TBC1D4: variants seen among roughly 807,000 people sequenced by gnomAD.
TBC1D4 encodes the protein TBC (Tre-2, BUB2, CDC16) domain-containing protein.
Under a neutral mutation model 142.5 loss-of-function variants are expected in TBC1D4, and 121 were observed. That is an observed-to-expected ratio of 0.85 (90% CI 0.73 to 0.99). TBC1D4 has a LOEUF of 0.99. TBC1D4 is among the 50% of genes least tolerant of loss of function. The probability of loss-of-function intolerance (pLI) is 0.00; values close to 1 mark genes in which losing one functional copy is unlikely to be tolerated. For synonymous variants in TBC1D4, 630 were observed against 628.2 expected (o/e 1.00, Z -0.04); for missense variants, 1,475 against 1,606.6 (o/e 0.92, Z 1.40).
At chr13:75,456,823 C>T (rs1593906613) in intron 1 of TBC1D4, among the ~76,000 whole-genome samples, 1 of 151,006 alleles carries the variant, frequency 6.6e-6, no homozygotes, top group Middle Eastern at 3.4e-3. Context: ...AGCCTACGTC[C>T]ACCAAAAGAC....
chr13:75,289,856 A>G (rs1593858329), intron 19 of TBC1D4, among the ~76,000 whole-genome samples: 1 of 152,226 alleles, frequency 6.6e-6, no homozygotes, highest in African/African-American at 2.4e-5. Context: ...AACAGCTGCT[A>G]TTCAAGCAAT....
At chr13:75,417,554 G>A (rs924654643) in intron 1 of TBC1D4, among the ~76,000 whole-genome samples, 3 of 152,106 alleles carry the variant, frequency 2.0e-5, no homozygotes, top group Non-Finnish European at 4.4e-5. Context: ...TTAGCATAGG[G>A]GATCAGGATA....
intron 1 of TBC1D4, among the ~76,000 whole-genome samples, chr13:75,365,006 T>C (rs1882817321): frequency 6.6e-6 from 1 of 152,228 alleles, no homozygotes; most frequent in African/African-American, 2.4e-5. Context: ...CTTTTGAATT[T>C]CTCTACCGCC....
chr13:75,343,217 C>T (rs1258161615), intron 5 of TBC1D4, among the ~76,000 whole-genome samples: 4 of 152,334 alleles, frequency 2.6e-5, no homozygotes, highest in Non-Finnish European at 5.9e-5. Context: ...AAGATCTCTA[C>T]AGATAGTATA....
chr13:75,475,063 A>T (rs557870201), intron 1 of TBC1D4, among the ~76,000 whole-genome samples: 75 of 152,356 alleles, frequency 4.9e-4, no homozygotes, highest in African/African-American at 1.6e-3. Flanking sequence ...GAGTAGTGCT[A>T]TCACCCAGGA....
At chr13:75,451,003 A>G (rs1345402866) in intron 1 of TBC1D4, among the ~76,000 whole-genome samples, 1 of 152,188 alleles carries the variant, frequency 6.6e-6, no homozygotes, top group Non-Finnish European at 1.5e-5. Context: ...AGGCCAGCCA[A>G]ATTCTTTTCA....
At position 75,290,795 on chromosome 13, in the gene TBC1D4, C is replaced by T. The variant is rs181614410; in HGVS notation, c.3486+1307G>A. On this transcript the variant is annotated intron_variant, in intron 19 of 20. Transcript: ENST00000377636. ...TAATACAAAACTATAATAGAATCTA[C>T]TTTTGTTATTCCCATTTTGTAGAGG... Among the ~76,000 whole-genome samples, 8 of 152,182 alleles carry T rather than the reference C, an allele frequency of 5.3e-5. No homozygotes were observed. The East Asian group carries it at 1.5e-3, about 29-fold the overall frequency.
chr13:75,293,536 GA>G (rs1308825147), intron 18 of TBC1D4, among the ~76,000 whole-genome samples: 4 of 152,072 alleles, frequency 2.6e-5, no homozygotes, highest in African/African-American at 9.7e-5. Flanking sequence ...TCTCTGGGAA[GA>G]AAAATGTATA....
At chr13:75,289,323 AAAG>A (rs1431590273) in intron 19 of TBC1D4, among the ~76,000 whole-genome samples, 3 of 152,302 alleles carry the variant, frequency 2.0e-5, no homozygotes, top group Non-Finnish European at 2.9e-5. Context: ...TCTTTCTGTG[AAAG>A]AAGATTTTCT....
At chr13:75,407,924 G>A (rs1885419809) in intron 1 of TBC1D4, among the ~76,000 whole-genome samples, 1 of 151,976 alleles carries the variant, frequency 6.6e-6, no homozygotes. Flanking sequence ...GAACGAGCCG[G>A]GAAATCTCAG....
chr13:75,306,560 A>G (rs1877208656), intron 14 of TBC1D4, 89 bp from the exon 15 acceptor site: 1 of 1,512,984 alleles, frequency 6.6e-7, no homozygotes, highest in Non-Finnish European at 9.1e-7. Flanking sequence ...ACCATACCAA[A>G]TGACTTTCAG....
intron 17 of TBC1D4, among the ~76,000 whole-genome samples, chr13:75,296,241 T>C (rs1004263007): frequency 6.6e-6 from 1 of 151,778 alleles, no homozygotes; most frequent in African/African-American, 2.4e-5. Flanking sequence ...CAAAAAATCA[T>C]GTTGAAAAAA....
At chr13:75,386,597 C>G (rs9530430) in intron 1 of TBC1D4, among the ~76,000 whole-genome samples, 1 of 151,956 alleles carries the variant, frequency 6.6e-6, no homozygotes, top group Admixed American at 6.5e-5. Flanking sequence ...ACCACATTAG[C>G]CAGGATGGTC....
chr13:75,324,537 TG>T, intron 10 of TBC1D4, 136 bp from the exon 11 acceptor site: 1 of 1,029,668 alleles, frequency 9.7e-7, no homozygotes, highest in Non-Finnish European at 1.4e-6. Flanking sequence ...GGATCTTACA[TG>T]AAAAAAAAAG....
At chr13:75,353,364 A>G (rs144879331) in intron 4 of TBC1D4, among the ~76,000 whole-genome samples, 24 of 152,348 alleles carry the variant, frequency 1.6e-4, no homozygotes, top group African/African-American at 5.1e-4. Flanking sequence ...AGCACCTAGA[A>G]AATGATTGCC....
At chr13:75,465,929 A>G (rs911235963) in intron 1 of TBC1D4, among the ~76,000 whole-genome samples, 1 of 151,988 alleles carries the variant, frequency 6.6e-6, no homozygotes, top group African/African-American at 2.4e-5. Context: ...CTTTTAATCT[A>G]CCTGTGACCT....
intron 1 of TBC1D4, among the ~76,000 whole-genome samples, chr13:75,465,078 T>C (rs1888114318): frequency 6.6e-6 from 1 of 152,172 alleles, no homozygotes; most frequent in African/African-American, 2.4e-5. Flanking sequence ...GCAACAGCCT[T>C]ATGAAATCTG....
At chr13:75,454,215 A>G (rs1197200477) in intron 1 of TBC1D4, among the ~76,000 whole-genome samples, 1 of 151,900 alleles carries the variant, frequency 6.6e-6, no homozygotes, top group Non-Finnish European at 1.5e-5. Flanking sequence ...ACACAGCAAG[A>G]CCTCATGTCT....
At chr13:75,297,582 C>T (rs914722874) in intron 17 of TBC1D4, among the ~76,000 whole-genome samples, 1 of 151,956 alleles carries the variant, frequency 6.6e-6, no homozygotes. Context: ...CAGTGAAACC[C>T]CAACTCTACT....
Sources: gnomAD v4.1 joint callset for allele counts (sites outside exome capture counted in the v4.1 genomes callset) on GRCh38, gnomAD v4.1.1 for gene constraint, MANE v1.5 for transcripts, NCBI Gene and HGNC (gene_info 2026-07-23, HGNC 2026-07-21) for gene names.